ELOVL6: variants seen among roughly 807,000 people sequenced by gnomAD.
The protein encoded by ELOVL6 is very long chain fatty acid elongase 6.
ELOVL6 carries 8 observed loss-of-function variants against 31.7 expected under a neutral mutation model. The observed-to-expected ratio is 0.25, with a 90% CI of 0.15 to 0.45. The LOEUF (loss-of-function observed/expected upper bound fraction) is 0.45, where lower values mean the gene tolerates loss of function less well. ELOVL6 is among the 20% of genes least tolerant of loss of function. The probability of loss-of-function intolerance (pLI) is 1.00; values close to 1 mark genes in which losing one functional copy is unlikely to be tolerated. For synonymous variants in ELOVL6, 101 were observed against 117.7 expected (o/e 0.86, Z 0.92); for missense variants, 126 against 326.4 (o/e 0.39, Z 4.73).
At chr4:110,191,394 C>A (rs1332755898) in intron 1 of ELOVL6, among the ~76,000 whole-genome samples, 1 of 152,032 alleles carries the variant, frequency 6.6e-6, no homozygotes, top group South Asian at 2.1e-4. Flanking sequence ...TTTCCCTAAA[C>A]CCTCCTAAAA....
intron 3 of ELOVL6, among the ~76,000 whole-genome samples, chr4:110,056,126 G>T (rs532942200): frequency 1.4e-5 from 2 of 145,110 alleles, no homozygotes; most frequent in African/African-American, 5.4e-5. Context: ...GGGAGCTGGG[G>T]GGGGGGATAC....
rs1754732396 is a variant in ELOVL6 at position 110,047,802 on chromosome 4, A to G, written c.*3536T>C. The G allele has an allele frequency of 6.9e-6, 1 of 144,418 alleles. No homozygotes were observed. Among genetic ancestry groups the G allele is most frequent in the Non-Finnish European group, 1.5e-5 (1 of 66,912 alleles). 8.9% of individuals were successfully genotyped at this position (144,418 alleles called of 1,614,324 possible). ...CTATTTGGGAGGCTGAGGCAGGAGA[A>G]TTGCTGGAACCTGGGAGGCGGAGGT... On this transcript the variant is annotated 3_prime_UTR_variant, in exon 4 of 4. Transcript: ENST00000302274.
intron 2 of ELOVL6, among the ~76,000 whole-genome samples, chr4:110,086,006 C>A (rs1756253439): frequency 6.6e-6 from 1 of 152,160 alleles, no homozygotes; most frequent in South Asian, 2.1e-4. Context: ...GGGAAGAAAC[C>A]AGAAATGGAG....
intron 2 of ELOVL6, among the ~76,000 whole-genome samples, chr4:110,082,633 T>C (rs374253459): frequency 6.6e-6 from 1 of 152,048 alleles, no homozygotes; most frequent in Non-Finnish European, 1.5e-5. Flanking sequence ...TTAGGAGATA[T>C]ACCTAATGTT....
intron 2 of ELOVL6, among the ~76,000 whole-genome samples, chr4:110,075,921 T>G (rs555092685): frequency 6.6e-6 from 1 of 152,308 alleles, no homozygotes. Context: ...AAAGTCCAAA[T>G]GTAGGTGACA....
chr4:110,188,839 C>T (rs935838049), intron 1 of ELOVL6, among the ~76,000 whole-genome samples: 5 of 146,706 alleles, frequency 3.4e-5, no homozygotes, highest in South Asian at 2.2e-4. Context: ...TGCGGTGAGT[C>T]GAGATCATGC....
intron 1 of ELOVL6, among the ~76,000 whole-genome samples, chr4:110,191,197 G>GT (rs1759608652): frequency 6.6e-6 from 1 of 152,126 alleles, no homozygotes; most frequent in Admixed American, 6.5e-5. Flanking sequence ...GAGATGCTGG[G>GT]TTTTTTTAAA....
At chr4:110,115,089 A>T (rs1757136487) in intron 1 of ELOVL6, among the ~76,000 whole-genome samples, 1 of 152,158 alleles carries the variant, frequency 6.6e-6, no homozygotes, top group African/African-American at 2.4e-5. Context: ...AATGAAGGGG[A>T]AAACATGGCA....
chr4:110,166,640 T>C (rs893223134), intron 1 of ELOVL6, among the ~76,000 whole-genome samples: 7 of 152,090 alleles, frequency 4.6e-5, no homozygotes, highest in Non-Finnish European at 8.8e-5. Context: ...GTGTTTCCAC[T>C]TTTGCCCTTG....
At position 110,108,071 on chromosome 4, in the gene ELOVL6, C is replaced by T. The variant is rs915388481; in HGVS notation, c.90-2443G>A. Among the ~76,000 whole-genome samples the T allele has an allele frequency of 3.3e-5, 5 of 152,132 alleles. No homozygotes were observed. The South Asian group carries it at 6.2e-4, about 19-fold the overall frequency. ...CATAATCATTGCATAATGTGTAGAA[C>T]ATTGTGTAACTGTGAAAAGATGAAG... On this transcript the variant is annotated intron_variant, in intron 1 of 3. Coordinates refer to ENST00000302274, the MANE Select transcript of ELOVL6 (RefSeq NM_024090.3).
Position 110,049,113 on chromosome 4 carries a change from C to T in ELOVL6, c.*2225G>A, listed in dbSNP as rs765269296. 2 of 152,168 alleles carry T rather than the reference C, an allele frequency of 1.3e-5. No individual in the cohort carries two copies. The highest frequency in any genetic ancestry group is 2.4e-5 in the African/African-American group (1 of 41,446). The allele number at this position is 152,168 out of a possible 1,614,324, so 9.4% of individuals were successfully genotyped here. A position where few individuals can be genotyped will look rare whatever the true frequency, so the allele number is the denominator to read the frequency against. Reference sequence around the variant, plus strand: ...CTTATTGCACGGTATCATGTATTTGCGAAGCTCAAAATAACATTTGCATCC... The same window carrying T: ...CTTATTGCACGGTATCATGTATTTGTGAAGCTCAAAATAACATTTGCATCC... On this transcript the variant is annotated 3_prime_UTR_variant, in exon 4 of 4. Transcript: ENST00000302274.
At chr4:110,106,466 C>T (rs536585014) in intron 1 of ELOVL6, among the ~76,000 whole-genome samples, 68 of 152,184 alleles carry the variant, frequency 4.5e-4, no homozygotes, top group Non-Finnish European at 2.8e-4. Context: ...GCGGGGATTT[C>T]CCCAGGAACA....
At chr4:110,158,657 ATTTTTT>A (rs1184682018) in intron 1 of ELOVL6, among the ~76,000 whole-genome samples, 2 of 74,160 alleles carry the variant, frequency 2.7e-5, no homozygotes, top group African/African-American at 8.3e-5. Flanking sequence ...ATATATATAT[ATTTTTT>A]TTTTTTTTTT....
intron 1 of ELOVL6, among the ~76,000 whole-genome samples, chr4:110,193,651 T>C (rs1234881971): frequency 6.6e-6 from 1 of 152,152 alleles, no homozygotes; most frequent in African/African-American, 2.4e-5. Flanking sequence ...TTTTTACCTT[T>C]GGTAAAAACA....
At chr4:110,058,177 G>A in intron 3 of ELOVL6, among the ~76,000 whole-genome samples, 1 of 152,162 alleles carries the variant, frequency 6.6e-6, no homozygotes, top group East Asian at 1.9e-4. Flanking sequence ...ATTTCAGCCA[G>A]TGCTTAACAT....
intron 1 of ELOVL6, 165 bp downstream of exon 1, chr4:110,198,082 C>CA: frequency 3.5e-6 from 2 of 577,868 alleles, no homozygotes. Flanking sequence ...GTACCCCCCC[C>CA]CCCCCAGCGT....
chr4:110,149,125 G>T (rs1758211876), intron 1 of ELOVL6, among the ~76,000 whole-genome samples: 1 of 152,194 alleles, frequency 6.6e-6, no homozygotes, highest in Non-Finnish European at 1.5e-5. Flanking sequence ...GCTTCCGAAA[G>T]TGCTGGGATT....
At chr4:110,128,544 T>C (rs1757577859) in intron 1 of ELOVL6, among the ~76,000 whole-genome samples, 1 of 152,134 alleles carries the variant, frequency 6.6e-6, no homozygotes, top group Non-Finnish European at 1.5e-5. Context: ...GCAGGCGTCA[T>C]GGGCAGTGCG....
intron 1 of ELOVL6, among the ~76,000 whole-genome samples, chr4:110,183,291 A>C (rs2126278568): frequency 6.6e-6 from 1 of 152,308 alleles, no homozygotes; most frequent in Non-Finnish European, 1.5e-5. Context: ...TAACTCTTTT[A>C]ACAAACTGCC....
Sources: gnomAD v4.1 joint callset for allele counts (sites outside exome capture counted in the v4.1 genomes callset) on GRCh38, gnomAD v4.1.1 for gene constraint, MANE v1.5 for transcripts, NCBI Gene and HGNC (gene_info 2026-07-23, HGNC 2026-07-21) for gene names.